The following LAMC3 variants were observed in gnomAD, a reference collection of about 807,000 sequenced individuals.
The protein encoded by LAMC3 is laminin subunit gamma-3.
LAMC3 carries 128 observed loss-of-function variants against 173.8 expected under a neutral mutation model. The ratio of observed to expected loss-of-function variants is 0.74; its 90% CI spans 0.64 to 0.85. The LOEUF (loss-of-function observed/expected upper bound fraction) is 0.85, where lower values mean the gene tolerates loss of function less well. Ranked by LOEUF, LAMC3 falls within the 40% of genes least tolerant of loss-of-function variation. The pLI, the probability that LAMC3 is intolerant of heterozygous loss-of-function variation, is 0.00. For synonymous variants in LAMC3, 897 were observed against 909.1 expected (o/e 0.99, Z 0.24); for missense variants, 2,022 against 2,156.0 (o/e 0.94, Z 1.23).
chr9:131,048,993 C>A, intron 8 of LAMC3, 27 bp from the exon 9 acceptor site: 1 of 1,444,682 alleles, frequency 6.9e-7, no homozygotes, highest in South Asian at 1.2e-5. Flanking sequence ...TCACACTGAT[C>A]GGGGGGTGTC....
chr9:131,069,551 T>C, intron 16 of LAMC3, 121 bp from the exon 17 acceptor site: 1 of 926,958 alleles, frequency 1.1e-6, no homozygotes, highest in Non-Finnish European at 1.6e-6. Flanking sequence ...TTTTTGATGC[T>C]GCCTAGGGCA....
intron 23 of LAMC3, 78 bp downstream of exon 23, chr9:131,079,376 A>G: frequency 4.5e-6 from 7 of 1,545,418 alleles, no homozygotes; most frequent in Non-Finnish European, 6.2e-6. Flanking sequence ...TCAGGGTTGC[A>G]GGAGGGAGAA....
chr9:131,033,791 G>T (rs1387994615), intron 3 of LAMC3, among the ~76,000 whole-genome samples: 2 of 152,136 alleles, frequency 1.3e-5, no homozygotes, highest in South Asian at 4.1e-4. Flanking sequence ...AGCTCTGTGT[G>T]TGAACCATGG....
intron 7 of LAMC3, among the ~76,000 whole-genome samples, chr9:131,045,270 CTG>C (rs1252989489): frequency 6.7e-6 from 1 of 149,712 alleles, no homozygotes; most frequent in African/African-American, 2.5e-5. Flanking sequence ...CTAATAAAGT[CTG>C]GAGTTTAGTT....
intron 27 of LAMC3, among the ~76,000 whole-genome samples, chr9:131,090,047 T>C (rs560318543): frequency 2.4e-4 from 37 of 152,292 alleles, no homozygotes; most frequent in African/African-American, 8.9e-4. Context: ...TGCTCCCACC[T>C]CAGGTTCCCA....
intron 25 of LAMC3, 85 bp downstream of exon 25, chr9:131,085,808 T>G: frequency 1.6e-6 from 2 of 1,278,518 alleles, no homozygotes; most frequent in Non-Finnish European, 2.2e-6. Context: ...ACATCCGTGC[T>G]GACTACTCCG....
chr9:131,067,110 G>GCTGCCTGCA lies in LAMC3; in HGVS notation c.2500_2508dup (p.Cys834_His836dup). ...GACCCCCTGTCTGGCCACTGCCTGC[G>GCTGCCTGCA]CTGCCTGCACAACACCACGGGTGAC... On this transcript the variant is annotated inframe_insertion, in exon 14 of 28. Coordinates refer to ENST00000361069, the MANE Select transcript of LAMC3 (RefSeq NM_006059.4). 6.2e-7 allele frequency: 1 copy of GCTGCCTGCA among 1,614,138 alleles called. No homozygotes were observed. Among genetic ancestry groups the GCTGCCTGCA allele is most frequent in the Non-Finnish European group, 8.5e-7 (1 of 1,180,018 alleles).
chr9:131,020,186 A>G (rs1588137569), intron 1 of LAMC3, among the ~76,000 whole-genome samples: 1 of 152,130 alleles, frequency 6.6e-6, no homozygotes, highest in Non-Finnish European at 1.5e-5. Context: ...TGCCCTGCCC[A>G]CCTCGAGCAT....
intron 3 of LAMC3, among the ~76,000 whole-genome samples, chr9:131,032,579 G>A (rs1436910864): frequency 8.8e-6 from 1 of 113,416 alleles, no homozygotes; most frequent in African/African-American, 4.1e-5. Flanking sequence ...GCTCTCTCTC[G>A]CTTGCTCTCT....
intron 22 of LAMC3, among the ~76,000 whole-genome samples, chr9:131,078,384 C>T (rs1050764760): frequency 2.0e-5 from 3 of 152,004 alleles, no homozygotes; most frequent in South Asian, 2.1e-4. Flanking sequence ...CCCAACTACT[C>T]GGGAGGCTGA....
Position 131,064,601 on chromosome 9 carries a change from C to T in LAMC3, c.2348-2359C>T, listed in dbSNP as rs769590085. ...TGGCGTGAACCCCGGGGGGCGGAGCCTGCAGTGAGCCGAGATCGCGCCACT... is the reference window on the plus strand; with the variant it reads ...TGGCGTGAACCCCGGGGGGCGGAGCTTGCAGTGAGCCGAGATCGCGCCACT... On this transcript the variant is annotated intron_variant, in intron 13 of 27. Transcript: ENST00000361069. 4.0e-5 allele frequency among the ~76,000 whole-genome samples: 6 copies of T among 151,286 alleles called. No homozygotes were observed. In the South Asian group the frequency reaches 6.3e-4, roughly 16 times the overall value.
intron 23 of LAMC3, 48 bp from the exon 24 acceptor site, chr9:131,082,011 C>T: frequency 6.8e-7 from 1 of 1,468,794 alleles, no homozygotes; most frequent in Non-Finnish European, 9.5e-7. Context: ...GCCCCTGGGC[C>T]CTGCTCCTGT....
chr9:131,033,042 G>C (rs1305288532), intron 3 of LAMC3, among the ~76,000 whole-genome samples: 2 of 152,104 alleles, frequency 1.3e-5, no homozygotes, highest in South Asian at 4.1e-4. Flanking sequence ...TCCTGGTCCT[G>C]GTCCTGGTCC....
At chr9:131,044,499 G>T (rs2133265742) in intron 7 of LAMC3, among the ~76,000 whole-genome samples, 1 of 152,254 alleles carries the variant, frequency 6.6e-6, no homozygotes, top group Admixed American at 6.5e-5. Context: ...AACAGAGCGA[G>T]ACTTCGTCTC....
intron 1 of LAMC3, among the ~76,000 whole-genome samples, chr9:131,013,342 C>T (rs971092675): frequency 6.6e-6 from 1 of 152,112 alleles, no homozygotes; most frequent in African/African-American, 2.4e-5. Context: ...GGAGTCTCCT[C>T]CCGGCTTGCA....
At position 131,038,897 on chromosome 9, in the gene LAMC3, C is replaced by T. The variant is rs111694254; in HGVS notation, c.1010C>T (p.Thr337Met). The T allele has an allele frequency of 5.8e-5, 93 of 1,613,352 alleles. No individual in the cohort carries two copies. In the Admixed American group the frequency reaches 6.5e-4, roughly 11 times the overall value. Residue 337 changes from threonine to methionine, a missense_variant, in exon 5 of 28, where the codon ACG becomes ATG. Transcript: ENST00000361069. ...TGCAGTGGCCGCTCCGAGGAATGCA[C>T]GTTTGATCGGGAGCTCTTCCGCAGC... is the stretch of plus-strand genomic sequence containing the variant. Reference protein sequence around the residue: ...CNCSGRSEECTFDRELFRSTG... With the variant: ...CNCSGRSEECMFDRELFRSTG...
intron 1 of LAMC3, among the ~76,000 whole-genome samples, chr9:131,024,755 G>A (rs1400445382): frequency 6.6e-6 from 1 of 152,168 alleles, no homozygotes; most frequent in Non-Finnish European, 1.5e-5. Flanking sequence ...CAGGCACCTT[G>A]CTAGGCACTG....
chr9:131,040,699 C>G (rs546010380), intron 6 of LAMC3, among the ~76,000 whole-genome samples: 15 of 152,272 alleles, frequency 9.9e-5, no homozygotes, highest in Non-Finnish European at 2.1e-4. Context: ...ACCCCTGCCC[C>G]CTCTCCCCAG....
At position 131,036,300 on chromosome 9, in the gene LAMC3, G is replaced by C. The variant is rs45444592; in HGVS notation, c.944G>C (p.Arg315Pro). The C allele has an allele frequency of 6.2e-7, 1 of 1,613,168 alleles. No individual in the cohort carries two copies. The highest frequency in any genetic ancestry group is 8.5e-7 in the Non-Finnish European group (1 of 1,179,870). ...LPFFQDRPWA[R>P]GTAEAAHECL... Reference sequence around the variant, plus strand: ...TTCTTCCAGGACCGCCCGTGGGCCCGGGGCACCGCCGAGGCTGCCCACGAG... The same window carrying C: ...TTCTTCCAGGACCGCCCGTGGGCCCCGGGCACCGCCGAGGCTGCCCACGAG... Residue 315 changes from arginine (R) to proline (P), a missense_variant, in exon 4 of 28, where the codon CGG (arginine) becomes CCG (proline). Transcript: ENST00000361069.
Sources: gnomAD v4.1 joint callset for allele counts (sites outside exome capture counted in the v4.1 genomes callset) on GRCh38, gnomAD v4.1.1 for gene constraint, MANE v1.5 for transcripts, NCBI Gene and HGNC (gene_info 2026-07-23, HGNC 2026-07-21) for gene names.